Variants in TMEM170B observed in about 807,000 individuals in gnomAD.
The protein encoded by TMEM170B is transmembrane protein 170B.
In TMEM170B, 6 loss-of-function variants were observed where a neutral mutation model predicts 13.0. The observed-to-expected ratio is 0.46, with a 90% CI of 0.25 to 0.91. The LOEUF (loss-of-function observed/expected upper bound fraction) is 0.91. Among genes scored for constraint, TMEM170B ranks in the 40% least tolerant of loss-of-function variants. The pLI is 0.17. For synonymous variants in TMEM170B, 61 were observed against 64.9 expected (o/e 0.94, Z 0.29); for missense variants, 138 against 165.2 (o/e 0.84, Z 0.90).
intron 1 of TMEM170B, among the ~76,000 whole-genome samples, chr6:11,549,898 T>G (rs1442122826): frequency 6.6e-6 from 1 of 152,186 alleles, no homozygotes; most frequent in Non-Finnish European, 1.5e-5. Context: ...AAAATAGCTT[T>G]GAGGAATGTA....
intron 1 of TMEM170B, among the ~76,000 whole-genome samples, chr6:11,561,026 T>C (rs1307659575): frequency 1.3e-5 from 2 of 152,148 alleles, no homozygotes; most frequent in Non-Finnish European, 2.9e-5. Context: ...CTGCTGCCTT[T>C]TACCCCACCA....
intron 1 of TMEM170B, among the ~76,000 whole-genome samples, chr6:11,541,379 A>G (rs1228346215): frequency 6.6e-6 from 1 of 152,226 alleles, no homozygotes; most frequent in African/African-American, 2.4e-5. Flanking sequence ...TTCACCTTGC[A>G]CTTTTATGTT....
chr6:11,556,772 T>C (rs1449738913), intron 1 of TMEM170B, among the ~76,000 whole-genome samples: 1 of 152,182 alleles, frequency 6.6e-6, no homozygotes, highest in African/African-American at 2.4e-5. Context: ...TTCCCTAAAC[T>C]GGAGTTCTAC....
At chr6:11,574,909 T>C (rs2113784891) in intron 2 of TMEM170B, among the ~76,000 whole-genome samples, 1 of 152,260 alleles carries the variant, frequency 6.6e-6, no homozygotes, top group Admixed American at 6.5e-5. Context: ...GTATGGTAGA[T>C]TGTGAGATGG....
At chr6:11,558,925 A>AT (rs1354868940) in intron 1 of TMEM170B, among the ~76,000 whole-genome samples, 1 of 152,242 alleles carries the variant, frequency 6.6e-6, no homozygotes, top group African/African-American at 2.4e-5. Flanking sequence ...AGAAGTCAGC[A>AT]GACATTTTCT....
chr6:11,570,736 G>A (rs1759788365), intron 2 of TMEM170B, among the ~76,000 whole-genome samples: 2 of 152,132 alleles, frequency 1.3e-5, no homozygotes, highest in Non-Finnish European at 1.5e-5. Flanking sequence ...GCTGTGCACA[G>A]CTTGTTTGCA....
In TMEM170B at chr6:11,578,237, C is replaced by T. The variant is rs1759905787; in HGVS notation, c.*2676C>T. On this transcript the variant is annotated 3_prime_UTR_variant, in exon 3 of 3. Transcript: ENST00000379426. ...TAGAGCTGGAGACCCTTGTTTGGGA[C>T]ATGACAAAAGTCCTTATTGATGTAT... 1 of 151,964 alleles carries T rather than the reference C, an allele frequency of 6.6e-6. No homozygotes were observed. The highest frequency in any genetic ancestry group is 2.4e-5 in the African/African-American group (1 of 41,372). 9.4% of individuals were successfully genotyped at this position (151,964 alleles called of 1,614,324 possible). A position where few individuals can be genotyped will look rare whatever the true frequency, so the allele number is the denominator to read the frequency against.
In TMEM170B at chr6:11,579,376, G is replaced by A. The variant is rs186068881; in HGVS notation, c.*3815G>A. 1.3e-5 allele frequency: 2 copies of A among 152,296 alleles called. No homozygotes were observed. The highest frequency in any genetic ancestry group is 2.9e-5 in the Non-Finnish European group (2 of 68,014). 9.4% of individuals were successfully genotyped at this position (152,296 alleles called of 1,614,324 possible). ...CTCATGTAGTTATTGTGAGGATTAC[G>A]TGAGATTGTTTATGAATGGCAAAGC... On this transcript the variant is annotated 3_prime_UTR_variant, in exon 3 of 3. Coordinates refer to ENST00000379426, the MANE Select transcript of TMEM170B (RefSeq NM_001100829.3).
intron 1 of TMEM170B, among the ~76,000 whole-genome samples, chr6:11,543,012 T>G (rs1310646582): frequency 6.6e-6 from 1 of 152,194 alleles, no homozygotes; most frequent in African/African-American, 2.4e-5. Flanking sequence ...TCTAGACTCC[T>G]CTTTCTTCTT....
intron 1 of TMEM170B, among the ~76,000 whole-genome samples, chr6:11,548,896 G>A (rs1389238592): frequency 1.3e-5 from 2 of 150,762 alleles, no homozygotes; most frequent in African/African-American, 2.5e-5. Context: ...GACACAGGGT[G>A]GAGAACATCA....
At position 11,569,828 on chromosome 6, in the gene TMEM170B, A is replaced by G. The variant is rs999893373; in HGVS notation, c.268+3992A>G. Among the ~76,000 whole-genome samples the G allele has an allele frequency of 2.6e-5, 4 of 152,146 alleles. No individual in the cohort carries two copies. In the South Asian group the frequency reaches 8.3e-4, roughly 32 times the overall value. On this transcript the variant is annotated intron_variant, in intron 2 of 2. Coordinates refer to ENST00000379426, the MANE Select transcript of TMEM170B (RefSeq NM_001100829.3). ...CACCTTTATTGTATATTACATTCTC[A>G]AAGTACAGGGATCTGTCTCTGAACT...
At chr6:11,541,355 T>G (rs1011686414) in intron 1 of TMEM170B, among the ~76,000 whole-genome samples, 1 of 152,228 alleles carries the variant, frequency 6.6e-6, no homozygotes, top group African/African-American at 2.4e-5. Flanking sequence ...TGCTTCTACA[T>G]CAGCATTTGC....
At chr6:11,546,438 T>A (rs187773907) in intron 1 of TMEM170B, among the ~76,000 whole-genome samples, 1 of 152,296 alleles carries the variant, frequency 6.6e-6, no homozygotes, top group African/African-American at 2.4e-5. Flanking sequence ...CAAAAAATAT[T>A]TTAAAAATAA....
chr6:11,563,314 C>T (rs906175938), intron 1 of TMEM170B, among the ~76,000 whole-genome samples: 4 of 152,236 alleles, frequency 2.6e-5, no homozygotes, highest in African/African-American at 7.2e-5. Context: ...CCCCCCTCCC[C>T]GCCAAGAAAA....
rs935310556 is a variant in TMEM170B at position 11,577,522 on chromosome 6, C to T, written c.*1961C>T. ...ATTCGTATTCTTCCAGAGGAATTAC[C>T]AATAGCATGTGGAAATTGTTTCAGA... On this transcript the variant is annotated 3_prime_UTR_variant, in exon 3 of 3. Coordinates refer to ENST00000379426, the MANE Select transcript of TMEM170B (RefSeq NM_001100829.3). The T allele has an allele frequency of 2.0e-5, 3 of 151,956 alleles. No homozygotes were observed. Among genetic ancestry groups the T allele is most frequent in the African/African-American group, 7.2e-5 (3 of 41,384 alleles). 9.4% of individuals were successfully genotyped at this position (151,956 alleles called of 1,614,324 possible). A position where few individuals can be genotyped will look rare whatever the true frequency, so the allele number is the denominator to read the frequency against.
intron 1 of TMEM170B, among the ~76,000 whole-genome samples, chr6:11,560,895 A>G (rs1442100917): frequency 6.6e-6 from 1 of 152,236 alleles, no homozygotes; most frequent in East Asian, 1.9e-4. Flanking sequence ...TTGTTGAAGG[A>G]TTAAAAACAA....
chr6:11,558,810 A>T (rs902561202), intron 1 of TMEM170B, among the ~76,000 whole-genome samples: 3 of 152,188 alleles, frequency 2.0e-5, no homozygotes, highest in African/African-American at 7.2e-5. Context: ...AACATATGTA[A>T]TTGAAATGTC....
intron 1 of TMEM170B, among the ~76,000 whole-genome samples, chr6:11,550,758 G>T (rs1759513785): frequency 1.3e-5 from 2 of 152,144 alleles, no homozygotes; most frequent in Admixed American, 1.3e-4. Flanking sequence ...AGATTATTTT[G>T]CCCTTGCTTA....
chr6:11,570,414 G>A (rs1395858441), intron 2 of TMEM170B, among the ~76,000 whole-genome samples: 2 of 151,876 alleles, frequency 1.3e-5, no homozygotes, highest in African/African-American at 4.8e-5. Flanking sequence ...TAAGAAAAAA[G>A]GGTTAAGGCA....
Sources: gnomAD v4.1 joint callset for allele counts (sites outside exome capture counted in the v4.1 genomes callset) on GRCh38, gnomAD v4.1.1 for gene constraint, MANE v1.5 for transcripts, NCBI Gene and HGNC (gene_info 2026-07-23, HGNC 2026-07-21) for gene names.